TANC1: variants seen among roughly 807,000 people sequenced by gnomAD.
TANC1 encodes protein TANC1.
In TANC1, 77 loss-of-function variants were observed where a neutral mutation model predicts 149.7. The observed-to-expected ratio is 0.51, with a 90% confidence interval of 0.43 to 0.62. The LOEUF is 0.62. Among genes scored for constraint, TANC1 ranks in the 20% least tolerant of loss-of-function variants. The pLI, the probability that TANC1 is intolerant of heterozygous loss-of-function variation, is 0.00. For missense variants in TANC1, 1,985 were observed against 2,321.8 expected (o/e 0.85, Z 2.98); for synonymous variants, 854 against 925.0 (o/e 0.92, Z 1.39).
chr2:159,097,244 G>T (rs1159973568), intron 3 of TANC1, among the ~76,000 whole-genome samples: 1 of 152,084 alleles, frequency 6.6e-6, no homozygotes, highest in African/African-American at 2.4e-5. Flanking sequence ...GTTCTGGAAG[G>T]GTTGGTATCT....
chr2:159,199,966 C>A (rs946682047), intron 19 of TANC1, among the ~76,000 whole-genome samples: 2 of 152,202 alleles, frequency 1.3e-5, no homozygotes, highest in African/African-American at 4.8e-5. Flanking sequence ...GTTCCATCCC[C>A]TTTGTGGGTC....
intron 2 of TANC1, chr2:159,056,694 A>G (rs1249388163): frequency 4.2e-6 from 1 of 238,674 alleles, no homozygotes; most frequent in Non-Finnish European, 8.9e-6. Context: ...GTTCTCTAAA[A>G]TGTCCACTTG....
intron 1 of TANC1, among the ~76,000 whole-genome samples, chr2:158,991,723 G>T (rs947903226): frequency 3.9e-5 from 6 of 152,104 alleles, no homozygotes; most frequent in Non-Finnish European, 7.3e-5. Context: ...TCCAGCCTGG[G>T]CGACAGAGTG....
intron 14 of TANC1, among the ~76,000 whole-genome samples, chr2:159,181,026 C>T (rs188016738): frequency 1.7e-3 from 262 of 152,256 alleles, no homozygotes; most frequent in Non-Finnish European, 2.8e-3. Flanking sequence ...TCCCAGTTGT[C>T]GTATTTTTGC....
At chr2:159,204,952 G>A (rs977788616) in intron 19 of TANC1, among the ~76,000 whole-genome samples, 2 of 152,188 alleles carry the variant, frequency 1.3e-5, no homozygotes, top group Non-Finnish European at 2.9e-5. Flanking sequence ...TGTGCTCACC[G>A]TAGTTTACTG....
intron 13 of TANC1, among the ~76,000 whole-genome samples, chr2:159,177,922 A>G (rs2056053708): frequency 6.6e-6 from 1 of 152,200 alleles, no homozygotes; most frequent in African/African-American, 2.4e-5. Flanking sequence ...ACACTGTGCA[A>G]TTGTCATTTG....
At chr2:159,187,739 C>G (rs543980490) in intron 16 of TANC1, among the ~76,000 whole-genome samples, 144 of 152,252 alleles carry the variant, frequency 9.5e-4, no homozygotes, top group African/African-American at 3.3e-3. Flanking sequence ...CCAGGTCTTC[C>G]CCCCGAATCA....
rs551714474 is a variant in TANC1 at position 159,029,726 on chromosome 2, G to A, written c.-16+28537G>A. Among the ~76,000 whole-genome samples, 169 of 152,190 alleles carry A rather than the reference G, an allele frequency of 1.1e-3. 1 individual carries two copies. The highest frequency in any genetic ancestry group is 3.9e-3 in the African/African-American group (163 of 41,544). On this transcript the variant is annotated intron_variant, in intron 2 of 26. Coordinates refer to ENST00000263635, the MANE Select transcript of TANC1 (RefSeq NM_033394.3). The stretch of plus-strand genomic sequence containing the variant: ...CTATAGGTGCTTGCCACCACACCCA[G>A]TTAATTTTAAAAATTTTGTGTAGAG...
chr2:159,048,294 C>T (rs541780760), intron 2 of TANC1, among the ~76,000 whole-genome samples: 4 of 152,260 alleles, frequency 2.6e-5, no homozygotes, highest in African/African-American at 9.6e-5. Context: ...AATCTGTTAA[C>T]GTATATTTTT....
At chr2:159,115,018 T>TG (rs1175779310) in intron 4 of TANC1, among the ~76,000 whole-genome samples, 1 of 152,176 alleles carries the variant, frequency 6.6e-6, no homozygotes, top group Non-Finnish European at 1.5e-5. Flanking sequence ...GGACTAGAGA[T>TG]GTGGTGGATA....
At chr2:159,215,054 C>T (rs527388639) in intron 19 of TANC1, among the ~76,000 whole-genome samples, 10 of 152,268 alleles carry the variant, frequency 6.6e-5, no homozygotes, top group Admixed American at 5.9e-4. Flanking sequence ...CTGCTGAGGT[C>T]CACACTGACT....
intron 4 of TANC1, among the ~76,000 whole-genome samples, chr2:159,135,167 A>G (rs1355272062): frequency 1.3e-5 from 2 of 152,176 alleles, no homozygotes; most frequent in South Asian, 4.1e-4. Context: ...AGATTTGGCT[A>G]TTCTGGGCAT....
chr2:159,053,362 A>T (rs1261083192), intron 2 of TANC1, among the ~76,000 whole-genome samples: 1 of 152,152 alleles, frequency 6.6e-6, no homozygotes, highest in Non-Finnish European at 1.5e-5. Context: ...TGCTTACTGC[A>T]ACCAAATGTT....
chr2:159,186,258 T>C (rs2056960325), intron 15 of TANC1, among the ~76,000 whole-genome samples: 1 of 152,162 alleles, frequency 6.6e-6, no homozygotes, highest in Admixed American at 6.5e-5. Context: ...TCTTGACCTG[T>C]GTGATTTTGT....
At chr2:159,031,109 T>C (rs1574230039) in intron 2 of TANC1, among the ~76,000 whole-genome samples, 1 of 152,252 alleles carries the variant, frequency 6.6e-6, no homozygotes, top group African/African-American at 2.4e-5. Flanking sequence ...AGGCTCCTTA[T>C]CAGAACTGAG....
intron 3 of TANC1, among the ~76,000 whole-genome samples, chr2:159,077,861 T>C (rs1003538608): frequency 6.6e-6 from 1 of 152,216 alleles, no homozygotes; most frequent in Non-Finnish European, 1.5e-5. Context: ...TTTAAAACTT[T>C]TCTAGGTTTT....
chr2:159,056,969 A>C (rs1288361544), intron 2 of TANC1: 1 of 200,652 alleles, frequency 5.0e-6, no homozygotes, highest in Non-Finnish European at 1.1e-5. Context: ...ACCCAGAACC[A>C]TAGATGAGTT....
chr2:159,101,415 A>T (rs1194639062), intron 4 of TANC1, among the ~76,000 whole-genome samples: 1 of 152,212 alleles, frequency 6.6e-6, no homozygotes, highest in East Asian at 1.9e-4. Flanking sequence ...TTAACCTTGC[A>T]ATAATGTGAC....
chr2:159,043,411 G>A (rs2040807980), intron 2 of TANC1, among the ~76,000 whole-genome samples: 1 of 152,116 alleles, frequency 6.6e-6, no homozygotes, highest in Admixed American at 6.5e-5. Context: ...CGTGCTCATA[G>A]GGAATCCATG....
Sources: allele counts gnomAD v4.1 joint callset (sites outside exome capture counted in the v4.1 genomes callset), GRCh38; gene constraint gnomAD v4.1.1; transcripts MANE v1.5; gene names NCBI Gene and HGNC (gene_info 2026-07-23, HGNC 2026-07-21).